The following MSRB3 variants were observed in gnomAD, a reference collection of about 807,000 sequenced individuals.
MSRB3 encodes the protein methionine sulfoxide reductase B3, also known as methionine-R-sulfoxide reductase B3.
A neutral mutation model predicts 21.0 loss-of-function variants in MSRB3; 13 were observed. The ratio of observed to expected loss-of-function variants is 0.62; its 90% CI spans 0.40 to 0.98. The LOEUF is 0.98. Ranked by LOEUF, MSRB3 falls within the 50% of genes least tolerant of loss-of-function variation. The pLI, the probability that MSRB3 is intolerant of heterozygous loss-of-function variation, is 0.00. For synonymous variants in MSRB3, 87 were observed against 88.6 expected (o/e 0.98, Z 0.10); for missense variants, 199 against 230.3 (o/e 0.86, Z 0.88).
intron 4 of MSRB3, among the ~76,000 whole-genome samples, chr12:65,329,311 G>A (rs1238208289): frequency 1.3e-5 from 2 of 152,030 alleles, no homozygotes; most frequent in Non-Finnish European, 2.9e-5. Context: ...GCTTCCCATG[G>A]GTTGCTGACT....
At chr12:65,457,921 CT>C (rs1203447718) in intron 6 of MSRB3, among the ~76,000 whole-genome samples, 3 of 151,996 alleles carry the variant, frequency 2.0e-5, no homozygotes, top group Non-Finnish European at 1.5e-5. Context: ...GGTTTGCTCT[CT>C]TTCTAAAATT....
At chr12:65,387,107 CAG>C (rs1043390072) in intron 5 of MSRB3, among the ~76,000 whole-genome samples, 2 of 151,948 alleles carry the variant, frequency 1.3e-5, no homozygotes, top group East Asian at 1.9e-4. Flanking sequence ...TAAAAACACT[CAG>C]GGAGTAAGTT....
intron 4 of MSRB3, among the ~76,000 whole-genome samples, chr12:65,332,566 C>T (rs1875499488): frequency 6.6e-6 from 1 of 152,106 alleles, no homozygotes; most frequent in Non-Finnish European, 1.5e-5. Context: ...AGCACACCAA[C>T]ATGGCACATG....
chr12:65,416,394 T>A (rs1494505), intron 5 of MSRB3, among the ~76,000 whole-genome samples: 2 of 151,950 alleles, frequency 1.3e-5, no homozygotes, highest in Admixed American at 6.5e-5. Flanking sequence ...ATCTTTGTGA[T>A]CCCATGTAAC....
chr12:65,411,490 T>C (rs562083490), intron 5 of MSRB3, among the ~76,000 whole-genome samples: 22 of 152,154 alleles, frequency 1.4e-4, no homozygotes, highest in Non-Finnish European at 3.2e-4. Flanking sequence ...GAATGTAAAA[T>C]TTGTACTCTT....
intron 1 of MSRB3, among the ~76,000 whole-genome samples, chr12:65,288,558 A>G (rs1398149614): frequency 1.3e-5 from 2 of 152,184 alleles, no homozygotes; most frequent in South Asian, 2.1e-4. Context: ...AACCCTTTTA[A>G]AGATTTAGTA....
At chr12:65,428,785 A>C (rs940816269) in intron 5 of MSRB3, among the ~76,000 whole-genome samples, 6 of 152,054 alleles carry the variant, frequency 3.9e-5, no homozygotes, top group Non-Finnish European at 4.4e-5. Flanking sequence ...ATCTTTAGCA[A>C]TTGGTATTTT....
intron 4 of MSRB3, among the ~76,000 whole-genome samples, chr12:65,340,577 C>A (rs1485754272): frequency 6.6e-6 from 1 of 151,926 alleles, no homozygotes; most frequent in African/African-American, 2.4e-5. Context: ...AGGAGAAAAT[C>A]TTAAAAACAT....
intron 4 of MSRB3, among the ~76,000 whole-genome samples, chr12:65,346,289 A>G (rs1415649600): frequency 1.3e-5 from 2 of 152,186 alleles, no homozygotes; most frequent in East Asian, 1.9e-4. Flanking sequence ...AACTGGTGTG[A>G]GATGGTATCT....
intron 5 of MSRB3, among the ~76,000 whole-genome samples, chr12:65,377,153 G>T (rs1473727209): frequency 6.6e-6 from 1 of 152,158 alleles, no homozygotes; most frequent in Non-Finnish European, 1.5e-5. Context: ...CTGTTTCTTT[G>T]TGCAAATGCT....
In MSRB3 at chr12:65,328,463, C is replaced by G. The variant is rs567211464; in HGVS notation, c.186-63C>G. On this transcript the variant is annotated intron_variant, in intron 3 of 6. Transcript: ENST00000308259. ...ATTTATTAGAGAAATATATTTTAAG[C>G]AAATACATTCTGTAAGAAATAATGC... The G allele has an allele frequency of 3.4e-6, 4 of 1,162,222 alleles. No individual in the cohort carries two copies. In the African/African-American group the frequency reaches 6.1e-5, roughly 18 times the overall value. 72.0% of individuals were successfully genotyped at this position (1,162,222 alleles called of 1,614,324 possible). A position where few individuals can be genotyped will look rare whatever the true frequency, so the allele number is the denominator to read the frequency against.
intron 4 of MSRB3, among the ~76,000 whole-genome samples, chr12:65,357,084 G>A (rs1046019368): frequency 1.3e-5 from 2 of 151,760 alleles, no homozygotes; most frequent in Non-Finnish European, 2.9e-5. Context: ...GACTCCAAAG[G>A]AACAAAACTT....
At chr12:65,339,727 G>A (rs188237626) in intron 4 of MSRB3, among the ~76,000 whole-genome samples, 34 of 152,152 alleles carry the variant, frequency 2.2e-4, no homozygotes, top group African/African-American at 7.7e-4. Context: ...TTAGCAGCTA[G>A]CTCAACAGGT....
At chr12:65,295,794 A>G (rs1001511595) in intron 1 of MSRB3, among the ~76,000 whole-genome samples, 11 of 152,226 alleles carry the variant, frequency 7.2e-5, no homozygotes, top group African/African-American at 2.7e-4. Context: ...CTATAAGAAT[A>G]AGAACCTAGG....
At chr12:65,403,491 T>A (rs1356925010) in intron 5 of MSRB3, among the ~76,000 whole-genome samples, 1 of 152,230 alleles carries the variant, frequency 6.6e-6, no homozygotes, top group Non-Finnish European at 1.5e-5. Flanking sequence ...AACTTCGGAC[T>A]GCTGTGCTGG....
At chr12:65,354,874 C>A (rs191410789) in intron 4 of MSRB3, among the ~76,000 whole-genome samples, 14 of 151,778 alleles carry the variant, frequency 9.2e-5, no homozygotes, top group African/African-American at 2.7e-4. Flanking sequence ...GAAATGGAGA[C>A]AATGTGTTAA....
intron 1 of MSRB3, among the ~76,000 whole-genome samples, chr12:65,303,582 A>G (rs944016236): frequency 1.3e-5 from 2 of 152,230 alleles, no homozygotes; most frequent in African/African-American, 2.4e-5. Context: ...CCTGAACAAT[A>G]TAGTCATATC....
chr12:65,287,450 T>A, intron 1 of MSRB3, among the ~76,000 whole-genome samples: 1 of 152,110 alleles, frequency 6.6e-6, no homozygotes, highest in East Asian at 1.9e-4. Flanking sequence ...TTTTATTGTG[T>A]TTGATTGTCA....
intron 4 of MSRB3, among the ~76,000 whole-genome samples, chr12:65,338,406 G>A (rs1875924100): frequency 6.6e-6 from 1 of 152,116 alleles, no homozygotes; most frequent in Admixed American, 6.6e-5. Context: ...TATTATCTTT[G>A]TTTTTAATAT....
Sources: gnomAD v4.1 joint callset for allele counts (sites outside exome capture counted in the v4.1 genomes callset) on GRCh38, gnomAD v4.1.1 for gene constraint, MANE v1.5 for transcripts, NCBI Gene and HGNC (gene_info 2026-07-23, HGNC 2026-07-21) for gene names.